The following NXPE2 variants were observed in gnomAD, a reference collection of about 807,000 sequenced individuals.
The protein encoded by NXPE2 is NXPE family member 2.
A neutral mutation model predicts 34.4 loss-of-function variants in NXPE2; 34 were observed. That is an observed-to-expected ratio of 0.99 (90% CI 0.75 to 1.31). The LOEUF is 1.31. Among genes scored for constraint, NXPE2 ranks in the 40% most tolerant of loss-of-function variants. The pLI, the probability that NXPE2 is intolerant of heterozygous loss-of-function variation, is 0.00. For synonymous variants in NXPE2, 235 were observed against 231.3 expected (o/e 1.02, Z -0.15); for missense variants, 649 against 672.5 (o/e 0.97, Z 0.39).
chr11:114,601,851 T>C, the NXPE2 span, among the ~76,000 whole-genome samples: 2 of 42,500 alleles, frequency 4.7e-5, no homozygotes, highest in Non-Finnish European at 7.3e-5. Flanking sequence ...TAATATAAAA[T>C]ATATAATATA....
the NXPE2 span, among the ~76,000 whole-genome samples, chr11:114,644,866 A>G: frequency 6.6e-6 from 1 of 152,108 alleles, no homozygotes; most frequent in Non-Finnish European, 1.5e-5. Context: ...GCATTTGCAT[A>G]GCTATAAACA....
the NXPE2 span, among the ~76,000 whole-genome samples, chr11:114,466,651 C>T: frequency 6.6e-6 from 1 of 151,814 alleles, no homozygotes; most frequent in African/African-American, 2.4e-5. Flanking sequence ...TTTATTTTTT[C>T]AAAAATTAAT....
At chr11:114,742,771 T>C in the NXPE2 span, among the ~76,000 whole-genome samples, 8 of 152,200 alleles carry the variant, frequency 5.3e-5, no homozygotes, top group South Asian at 6.2e-4. Flanking sequence ...GCCATCTTGC[T>C]AATGTCACTC....
the NXPE2 span, among the ~76,000 whole-genome samples, chr11:114,798,887 C>T: frequency 6.6e-6 from 1 of 152,182 alleles, no homozygotes; most frequent in East Asian, 1.9e-4. Context: ...TCTGTCTGCA[C>T]CTCCTGGCTG....
the NXPE2 span, among the ~76,000 whole-genome samples, chr11:114,514,341 T>G: frequency 6.6e-6 from 1 of 152,174 alleles, no homozygotes. Flanking sequence ...CTTAAAAGCA[T>G]GCCCTGTTCT....
rs186358696 is a variant in NXPE2 at position 114,684,498 on chromosome 11, T to G, written c.132+4736T>G. ...CAAATGGCAGCTGAAGTCATTGTAGTCTGTGACATTTCCTTGGATGAAGTA... is the reference window on the plus strand; with the variant it reads ...CAAATGGCAGCTGAAGTCATTGTAGGCTGTGACATTTCCTTGGATGAAGTA... On this transcript the variant is annotated intron_variant, in intron 2 of 5. Coordinates refer to ENST00000389586, the MANE Select transcript of NXPE2 (RefSeq NM_182495.6). Among the ~76,000 whole-genome samples, 21 of 152,288 alleles carry G rather than the reference T, an allele frequency of 1.4e-4. No individual in the cohort carries two copies. The East Asian group carries it at 3.7e-3, about 27-fold the overall frequency.
chr11:114,526,046 G>A, the NXPE2 span, among the ~76,000 whole-genome samples: 1 of 152,182 alleles, frequency 6.6e-6, no homozygotes, highest in Non-Finnish European at 1.5e-5. Flanking sequence ...CCTCAAAAGT[G>A]GAAGAGGGAG....
At chr11:114,528,986 C>T in the NXPE2 span, 3 of 427,660 alleles carry the variant, frequency 7.0e-6, no homozygotes, top group African/African-American at 5.9e-5. Flanking sequence ...AGAAGGGAGC[C>T]AGGGACTATA....
chr11:114,507,815 CCCCTTGAAAA>C, the NXPE2 span, among the ~76,000 whole-genome samples: 2,398 of 152,118 alleles, frequency 0.016, 64 homozygotes, highest in African/African-American at 0.055. Context: ...TGGAAGCATT[CCCCTTGAAAA>C]CCAACACAAG....
the NXPE2 span, among the ~76,000 whole-genome samples, chr11:114,765,426 C>T: frequency 6.6e-6 from 1 of 152,134 alleles, no homozygotes; most frequent in East Asian, 1.9e-4. Context: ...TATTTTTCAA[C>T]TAAGATACAT....
chr11:114,545,002 G>A, the NXPE2 span, among the ~76,000 whole-genome samples: 2 of 152,026 alleles, frequency 1.3e-5, no homozygotes, highest in East Asian at 3.8e-4. Context: ...AATTAGAACA[G>A]CAATGAAATA....
the NXPE2 span, among the ~76,000 whole-genome samples, chr11:114,562,688 CG>C: frequency 6.6e-6 from 1 of 152,096 alleles, no homozygotes; most frequent in African/African-American, 2.4e-5. Flanking sequence ...CTCTTTCAGT[CG>C]TTGTATCCAA....
chr11:114,799,824 A>G, the NXPE2 span, among the ~76,000 whole-genome samples: 1 of 152,144 alleles, frequency 6.6e-6, no homozygotes, highest in Admixed American at 6.5e-5. Context: ...AGTTCATCTC[A>G]TGACCGGCGG....
At chr11:114,626,468 G>C in the NXPE2 span, among the ~76,000 whole-genome samples, 5 of 152,226 alleles carry the variant, frequency 3.3e-5, no homozygotes, top group South Asian at 2.1e-4. Context: ...TGACGGTCCT[G>C]TCTGTTAGAA....
the NXPE2 span, among the ~76,000 whole-genome samples, chr11:114,648,055 T>A: frequency 2.0e-5 from 3 of 152,174 alleles, no homozygotes; most frequent in African/African-American, 4.8e-5. Context: ...CCCTGTGGTA[T>A]ATAAGACATA....
the NXPE2 span, among the ~76,000 whole-genome samples, chr11:114,805,960 G>A: frequency 1.3e-5 from 2 of 152,200 alleles, no homozygotes; most frequent in Non-Finnish European, 2.9e-5. Flanking sequence ...GGGGCAGACT[G>A]ACACCTCACA....
chr11:114,505,607 A>G, the NXPE2 span, among the ~76,000 whole-genome samples: 56 of 152,288 alleles, frequency 3.7e-4, no homozygotes, highest in Admixed American at 6.5e-4. Flanking sequence ...CCAACCTAGA[A>G]TTTCATATCT....
chr11:114,765,198 C>T, the NXPE2 span, among the ~76,000 whole-genome samples: 1 of 152,238 alleles, frequency 6.6e-6, no homozygotes, highest in African/African-American at 2.4e-5. Context: ...CCACCTCTGA[C>T]ATCCCAATCT....
the NXPE2 span, among the ~76,000 whole-genome samples, chr11:114,738,509 T>G: frequency 6.6e-6 from 1 of 152,198 alleles, no homozygotes; most frequent in Admixed American, 6.5e-5. Context: ...GGCCAAGGCT[T>G]GGTGTTTTTC....
Sources: gnomAD v4.1 joint callset for allele counts (sites outside exome capture counted in the v4.1 genomes callset) on GRCh38, gnomAD v4.1.1 for gene constraint, MANE v1.5 for transcripts, NCBI Gene and HGNC (gene_info 2026-07-23, HGNC 2026-07-21) for gene names.